Variants in KCNQ1 observed in about 807,000 individuals in gnomAD.
KCNQ1 encodes potassium voltage-gated channel subfamily Q member 1, also known as potassium voltage-gated channel subfamily KQT member 1.
Under a neutral mutation model 72.4 loss-of-function variants are expected in KCNQ1, and 49 were observed. That is an observed-to-expected ratio of 0.68 (90% CI 0.54 to 0.86). The LOEUF is 0.86. Ranked by LOEUF, KCNQ1 falls within the 40% of genes least tolerant of loss-of-function variation. KCNQ1 has a pLI of 0.00. For missense variants in KCNQ1, 790 were observed against 945.1 expected (o/e 0.84, Z 2.15); for synonymous variants, 450 against 412.6 (o/e 1.09, Z -1.10).
intron 10 of KCNQ1, chr11:2,644,119 A>G (rs1166519689): frequency 1.0e-5 from 4 of 398,374 alleles, no homozygotes; most frequent in East Asian, 7.1e-5. Flanking sequence ...TGAGATTCCT[A>G]TATTTGGATC....
chr11:2,564,773 A>G lies in KCNQ1; in HGVS notation c.478-5855A>G, dbSNP rs1848223055. ...CCTTCCCCAGCCCCTGGCGCCCATCATCTACTTTCTACCTCTGTGAATCTG... is the reference window on the plus strand; with the variant it reads ...CCTTCCCCAGCCCCTGGCGCCCATCGTCTACTTTCTACCTCTGTGAATCTG... On this transcript the variant is annotated intron_variant, in intron 2 of 15. Transcript: ENST00000155840. The surrounding 1 kb of genome is among the most constrained non-coding windows in gnomAD (Gnocchi z 4.5). Among the ~76,000 whole-genome samples the G allele has an allele frequency of 6.6e-6, 1 of 152,088 alleles. No homozygotes were observed. Among genetic ancestry groups the G allele is most frequent in the African/African-American group, 2.4e-5 (1 of 41,412 alleles).
chr11:2,522,167 T>C (rs1395621508), intron 1 of KCNQ1, among the ~76,000 whole-genome samples: 2 of 151,698 alleles, frequency 1.3e-5, no homozygotes, highest in East Asian at 1.9e-4. Flanking sequence ...GAGGTTGTTT[T>C]CTGGGGTGCG....
intron 11 of KCNQ1, among the ~76,000 whole-genome samples, chr11:2,760,566 T>G (rs1388381102): frequency 2.0e-5 from 3 of 152,056 alleles, no homozygotes; most frequent in Non-Finnish European, 4.4e-5. Flanking sequence ...AGAGGGTCCA[T>G]CCGCCCTTCA....
chr11:2,561,048 A>G (rs1848157266), intron 2 of KCNQ1, among the ~76,000 whole-genome samples: 2 of 151,592 alleles, frequency 1.3e-5, no homozygotes, highest in South Asian at 4.2e-4. Context: ...TAAAAATACA[A>G]AAAATTAGCC....
intron 1 of KCNQ1, among the ~76,000 whole-genome samples, chr11:2,496,233 G>A (rs1458732540): frequency 1.3e-5 from 2 of 151,792 alleles, no homozygotes; most frequent in African/African-American, 2.4e-5. Context: ...TCAGGAGATC[G>A]AGACCATCCT....
intron 15 of KCNQ1, among the ~76,000 whole-genome samples, chr11:2,798,948 G>A (rs912125873): frequency 6.6e-6 from 1 of 152,148 alleles, no homozygotes; most frequent in South Asian, 2.1e-4. Flanking sequence ...AGGAAGGAGA[G>A]CAGAGGGTAC....
chr11:2,670,307 G>T lies in KCNQ1; in HGVS notation c.1514+8226G>T. On this transcript the variant is annotated intron_variant, in intron 11 of 15. Coordinates refer to ENST00000155840, the MANE Select transcript of KCNQ1 (RefSeq NM_000218.3). This position sits in a 1 kb window ranked among gnomAD's most constrained non-coding sequence, Gnocchi z 4.9. ...GCAACCCATAGGTGCCCAATGGAGA[G>T]ATAATCTCAAATATGGTAGCAGAGT... is the stretch of plus-strand genomic sequence containing the variant. The T allele has an allele frequency of 2.5e-6, 1 of 398,602 alleles. No individual in the cohort carries two copies. The highest frequency in any genetic ancestry group is 4.4e-5 in the Admixed American group (1 of 22,724). 24.7% of individuals were successfully genotyped at this position (398,602 alleles called of 1,614,324 possible). A position where few individuals can be genotyped will look rare whatever the true frequency, so the allele number is the denominator to read the frequency against.
In KCNQ1 at chr11:2,690,098, C is replaced by T. The variant is rs893767199; in HGVS notation, c.1514+28017C>T. 1.0e-5 allele frequency: 4 copies of T among 398,846 alleles called. 1 individual carries two copies. Among genetic ancestry groups the T allele is most frequent in the Non-Finnish European group, 1.8e-5 (4 of 226,316 alleles). The allele number at this position is 398,846 out of a possible 1,614,324, so 24.7% of individuals were successfully genotyped here. A position where few individuals can be genotyped will look rare whatever the true frequency, so the allele number is the denominator to read the frequency against. ...GCTGAAGGCACAGCAGGGACAATCGCTCTTCCGGGGTTAGAACTGGGGGAG... is the reference window on the plus strand; with the variant it reads ...GCTGAAGGCACAGCAGGGACAATCGTTCTTCCGGGGTTAGAACTGGGGGAG... On this transcript the variant is annotated intron_variant, in intron 11 of 15. Transcript: ENST00000155840. This position sits in a 1 kb window ranked among gnomAD's most constrained non-coding sequence, Gnocchi z 5.1.
At chr11:2,542,918 T>C (rs561070890) in intron 2 of KCNQ1, among the ~76,000 whole-genome samples, 1 of 152,294 alleles carries the variant, frequency 6.6e-6, no homozygotes, top group South Asian at 2.1e-4. Context: ...AGGTATAGAA[T>C]GGCTGGATAA....
At position 2,668,789 on chromosome 11, in the gene KCNQ1, A is replaced by T; in HGVS notation, c.1514+6708A>T. 2.5e-6 allele frequency: 1 copy of T among 398,578 alleles called. No individual in the cohort carries two copies. The highest frequency in any genetic ancestry group is 3.6e-5 in the East Asian group (1 of 28,080). 24.7% of individuals were successfully genotyped at this position (398,578 alleles called of 1,614,324 possible). On this transcript the variant is annotated intron_variant, in intron 11 of 15. Coordinates refer to ENST00000155840, the MANE Select transcript of KCNQ1 (RefSeq NM_000218.3). This position sits in a 1 kb window ranked among gnomAD's most constrained non-coding sequence, Gnocchi z 4.3. ...CTTGATGGTGTCTTTTGATGAACAG[A>T]AGGTCTTAATTTTCATGTGGTCCAG...
rs762693487 is a variant in KCNQ1, at chr11:2,593,769, C to T, written c.1393+4915C>T. 1.6e-4 allele frequency among the ~76,000 whole-genome samples: 24 copies of T among 152,186 alleles called. No individual in the cohort carries two copies. Among genetic ancestry groups the T allele is most frequent in the Non-Finnish European group, 2.5e-4 (17 of 68,042 alleles). ...TGTAGCCTCCTCCTGCTCCCGGCTC[C>T]GCGTCCTCAGCCCAACACACCAAGC... On this transcript the variant is annotated intron_variant, in intron 10 of 15. Coordinates refer to ENST00000155840, the MANE Select transcript of KCNQ1 (RefSeq NM_000218.3). This position sits in a 1 kb window ranked among gnomAD's most constrained non-coding sequence, Gnocchi z 6.9.
At chr11:2,521,030 T>TGTTTGCG (rs1423230838) in intron 1 of KCNQ1, among the ~76,000 whole-genome samples, 1 of 7,638 alleles carries the variant, frequency 1.3e-4, no homozygotes, top group Non-Finnish European at 2.9e-4. Flanking sequence ...CTATGAATGT[T>TGTTTGCG]GTTTGCTTTA....
At chr11:2,804,968 CA>C (rs1564899776) in intron 15 of KCNQ1, among the ~76,000 whole-genome samples, 1 of 152,200 alleles carries the variant, frequency 6.6e-6, no homozygotes, top group African/African-American at 2.4e-5. Flanking sequence ...CAGTCAGATA[CA>C]ATGCTGACAG....
chr11:2,662,827 G>C, intron 11 of KCNQ1: 1 of 398,888 alleles, frequency 2.5e-6, no homozygotes, highest in Non-Finnish European at 4.4e-6. Flanking sequence ...CGGCCCTTCT[G>C]AGGGTCACTT....
intron 15 of KCNQ1, among the ~76,000 whole-genome samples, chr11:2,802,324 G>A (rs531663768): frequency 6.6e-6 from 1 of 152,344 alleles, no homozygotes; most frequent in African/African-American, 2.4e-5. Flanking sequence ...CCAGCCGGCA[G>A]CACTGGGGCC....
At chr11:2,634,800 T>G (rs1336163565) in intron 10 of KCNQ1, 1 of 152,238 alleles carries the variant, frequency 6.6e-6, no homozygotes, top group African/African-American at 2.4e-5. Context: ...CCACCAACAG[T>G]GTAAAAGCGT....
chr11:2,503,674 AAAACTT>A (rs1847052645), intron 1 of KCNQ1, among the ~76,000 whole-genome samples: 3 of 151,628 alleles, frequency 2.0e-5, no homozygotes, highest in African/African-American at 7.3e-5. Flanking sequence ...CATGTACCCT[AAAACTT>A]AAAGTATAAT....
At chr11:2,825,264 C>T (rs1847816304) in intron 15 of KCNQ1, among the ~76,000 whole-genome samples, 1 of 152,220 alleles carries the variant, frequency 6.6e-6, no homozygotes, top group Admixed American at 6.5e-5. Flanking sequence ...GCAGGGTGGG[C>T]TCTGCAGCCA....
chr11:2,528,719 G>A (rs1014882753), intron 2 of KCNQ1, among the ~76,000 whole-genome samples: 1 of 152,210 alleles, frequency 6.6e-6, no homozygotes, highest in Non-Finnish European at 1.5e-5. Flanking sequence ...GTGTTTTCCT[G>A]TCTTGTCGTG....
Sources: gnomAD v4.1 joint callset for allele counts (sites outside exome capture counted in the v4.1 genomes callset) on GRCh38, gnomAD v4.1.1 for gene constraint, Gnocchi (gnomAD v3.1) non-coding constraint, MANE v1.5 for transcripts, NCBI Gene and HGNC (gene_info 2026-07-23, HGNC 2026-07-21) for gene names.